SPECC1: variants seen among roughly 807,000 people sequenced by gnomAD.
SPECC1 encodes sperm antigen with calponin homology and coiled-coil domains 1, also known as cytospin-B.
A neutral mutation model predicts 104.1 loss-of-function variants in SPECC1; 62 were observed. The observed-to-expected ratio is 0.60, with a 90% CI of 0.49 to 0.74. The LOEUF (loss-of-function observed/expected upper bound fraction) is 0.74. SPECC1 is among the 30% of genes least tolerant of loss of function. The pLI is 0.00. For missense variants in SPECC1, 1,306 were observed against 1,310.5 expected (o/e 1.00, Z 0.05); for synonymous variants, 513 against 501.6 (o/e 1.02, Z -0.30).
At position 20,205,527 on chromosome 17, in the gene SPECC1, G is replaced by C; in HGVS notation, c.1478G>C (p.Cys493Ser). Residue 493 changes from cysteine (C) to serine (S), a missense_variant, in exon 4 of 15, where the codon TGT (cysteine) becomes TCT (serine). By Grantham distance (112) the Cys-to-Ser change is moderately radical. Around this residue, in one of 2 missense-constraint regions of SPECC1, gnomAD observed 1,177 missense variants for 1,139.9 expected, o/e 1.03. Coordinates refer to ENST00000395527, the MANE Select transcript of SPECC1 (RefSeq NM_001243439.2). ...CTCAACATTCAGCAGCAGTTGACCTGTAGCTTGCGGAAGGTTGAGGAAGAA... is the reference window on the plus strand; with the variant it reads ...CTCAACATTCAGCAGCAGTTGACCTCTAGCTTGCGGAAGGTTGAGGAAGAA... The part of the protein sequence containing the change: ...KLLNIQQQLT[C>S]SLRKVEEENQ... The C allele has an allele frequency of 6.2e-7, 1 of 1,614,196 alleles. No individual in the cohort carries two copies. Among genetic ancestry groups the C allele is most frequent in the Non-Finnish European group, 8.5e-7 (1 of 1,180,026 alleles).
intron 7 of SPECC1, among the ~76,000 whole-genome samples, chr17:20,233,341 A>G (rs376117130): frequency 2.5e-4 from 38 of 152,264 alleles, no homozygotes; most frequent in African/African-American, 8.7e-4. Context: ...ATGTTTGGTT[A>G]TCATGAATTT....
chr17:20,058,461 C>T (rs1395275003), intron 1 of SPECC1, among the ~76,000 whole-genome samples: 1 of 152,016 alleles, frequency 6.6e-6, no homozygotes, highest in Non-Finnish European at 1.5e-5. Flanking sequence ...GGTTTGAGAC[C>T]AGTCTGGGCA....
At position 20,238,352 on chromosome 17, in the gene SPECC1, T is replaced by C. The variant is rs551535093; in HGVS notation, c.2351+5947T>C. ...ATGTGATTTTAAACTTCTGGAAATA[T>C]GTGTGTTTGTGAAGATCCAAATCCA... On this transcript the variant is annotated intron_variant, in intron 7 of 14. Transcript: ENST00000395527. 2.1e-4 allele frequency: 219 copies of C among 1,040,094 alleles called. 1 individual carries two copies. In the East Asian group the frequency reaches 0.012, roughly 59 times the overall value. The allele number at this position is 1,040,094 out of a possible 1,614,324, so 64.4% of individuals were successfully genotyped here.
intron 1 of SPECC1, among the ~76,000 whole-genome samples, chr17:20,035,826 T>G (rs1401489242): frequency 2.0e-5 from 3 of 152,196 alleles, no homozygotes; most frequent in African/African-American, 4.8e-5. Flanking sequence ...GTTTTTAAAA[T>G]TAGGTTATTT....
At chr17:20,053,603 C>G (rs2045855295) in intron 1 of SPECC1, among the ~76,000 whole-genome samples, 1 of 152,214 alleles carries the variant, frequency 6.6e-6, no homozygotes, top group African/African-American at 2.4e-5. Context: ...GAGAAGCCAA[C>G]TGCCAGATGG....
intron 2 of SPECC1, among the ~76,000 whole-genome samples, chr17:20,098,050 ACT>A (rs1330249543): frequency 6.6e-6 from 1 of 151,940 alleles, no homozygotes; most frequent in African/African-American, 2.4e-5. Flanking sequence ...GGCTTTTAAC[ACT>A]CTAAGTGGAT....
chr17:20,258,152 G>A (rs560196882), intron 11 of SPECC1, among the ~76,000 whole-genome samples: 10 of 152,332 alleles, frequency 6.6e-5, no homozygotes, highest in Admixed American at 4.6e-4. Context: ...GTACCACCAA[G>A]TTTGTGGGAT....
chr17:20,232,245 G>A lies in SPECC1; in HGVS notation c.2191G>A (p.Ala731Thr), dbSNP rs772687290. ...GCGGTTCCAGGCGGATCTGCAGACC[G>A]CAGTGGTGGTGGCCAATGACATCAA... Reference protein sequence around the residue: ...WRRFQADLQTAVVVANDIKCE... With the variant: ...WRRFQADLQTTVVVANDIKCE... Residue 731 changes from alanine (A) to threonine (T), a missense_variant, in exon 7 of 15, where the codon GCA becomes ACA. Ala to Thr is a moderately conservative substitution (Grantham distance 58, BLOSUM62 0). This residue lies in a region of SPECC1 where 1,177 missense variants were observed against 1,139.9 expected (regional missense o/e 1.03). Transcript: ENST00000395527. 5.6e-6 allele frequency: 9 copies of A among 1,614,084 alleles called. No individual in the cohort carries two copies. The highest frequency in any genetic ancestry group is 1.7e-4 in the Middle Eastern group (1 of 6,046).
chr17:20,167,199 G>A (rs1217255565), intron 3 of SPECC1, among the ~76,000 whole-genome samples: 1 of 147,332 alleles, frequency 6.8e-6, no homozygotes, highest in Non-Finnish European at 1.5e-5. Context: ...CTACATATAT[G>A]TGTTTATATA....
chr17:20,127,011 CT>C (rs769730459), intron 3 of SPECC1, among the ~76,000 whole-genome samples: 2 of 152,230 alleles, frequency 1.3e-5, no homozygotes, highest in Non-Finnish European at 2.9e-5. Flanking sequence ...TATGTTATCT[CT>C]GATTCTTGTG....
intron 8 of SPECC1, 119 bp downstream of exon 8, chr17:20,246,190 T>G: frequency 8.0e-7 from 1 of 1,251,210 alleles, no homozygotes; most frequent in Non-Finnish European, 1.1e-6. Context: ...AAGGGCGCTT[T>G]CCAGGTCCTA....
At chr17:20,134,364 C>G (rs2049815028) in intron 3 of SPECC1, among the ~76,000 whole-genome samples, 1 of 151,658 alleles carries the variant, frequency 6.6e-6, no homozygotes, top group South Asian at 2.1e-4. Context: ...ACTCCCCATT[C>G]CCCACCCTCC....
intron 3 of SPECC1, among the ~76,000 whole-genome samples, chr17:20,117,395 T>C (rs935192010): frequency 6.6e-6 from 1 of 152,104 alleles, no homozygotes; most frequent in Non-Finnish European, 1.5e-5. Flanking sequence ...AAAATGTACT[T>C]ACATAAATAT....
chr17:20,089,658 C>G (rs2047322962), intron 1 of SPECC1, among the ~76,000 whole-genome samples: 1 of 152,174 alleles, frequency 6.6e-6, no homozygotes, highest in African/African-American at 2.4e-5. Flanking sequence ...AGATAAAATG[C>G]AGGATTTTGA....
intron 5 of SPECC1, among the ~76,000 whole-genome samples, chr17:20,229,877 A>G (rs559974286): frequency 1.3e-5 from 2 of 152,286 alleles, no homozygotes; most frequent in African/African-American, 4.8e-5. Context: ...AACCAAAGCA[A>G]TATTTGTTCA....
intron 3 of SPECC1, among the ~76,000 whole-genome samples, chr17:20,173,791 TAA>T (rs1323763195): frequency 6.6e-6 from 1 of 152,264 alleles, no homozygotes; most frequent in African/African-American, 2.4e-5. Flanking sequence ...TTACAGTGTT[TAA>T]AGTTTTTTGA....
chr17:20,104,661 C>G lies in SPECC1; in HGVS notation c.148-5766C>G, dbSNP rs537520518. ...GGGAGGCTGAGACAGGAGAATCGTT[C>G]AAATCTGGGAGGCGGAGGTTGCAGT... is the stretch of plus-strand genomic sequence containing the variant. On this transcript the variant is annotated intron_variant, in intron 2 of 14. Transcript: ENST00000395527. 1.7e-3 allele frequency among the ~76,000 whole-genome samples: 218 copies of G among 130,914 alleles called. 1 individual carries two copies. The highest frequency in any genetic ancestry group is 6.2e-3 in the African/African-American group (213 of 34,350). 85.9% of individuals were successfully genotyped at this position (130,914 alleles called of 152,430 possible). A position where few individuals can be genotyped will look rare whatever the true frequency, so the allele number is the denominator to read the frequency against.
intron 4 of SPECC1, among the ~76,000 whole-genome samples, chr17:20,225,218 C>T (rs1205658354): frequency 6.6e-6 from 1 of 152,194 alleles, no homozygotes; most frequent in Non-Finnish European, 1.5e-5. Context: ...GTGAGCTGTG[C>T]TGCCTGGGGT....
intron 1 of SPECC1, among the ~76,000 whole-genome samples, chr17:20,025,076 G>C (rs562453445): frequency 6.6e-6 from 1 of 152,302 alleles, no homozygotes; most frequent in East Asian, 1.9e-4. Flanking sequence ...TCTTTTGGAA[G>C]TAGACTTCAC....
Sources: gnomAD v4.1 joint callset for allele counts (sites outside exome capture counted in the v4.1 genomes callset) on GRCh38, gnomAD v4.1.1 for gene constraint, gnomAD v4.1.1 regional missense constraint, MANE v1.5 for transcripts, NCBI Gene and HGNC (gene_info 2026-07-23, HGNC 2026-07-21) for gene names.